The following RBPMS variants were observed in gnomAD, a reference collection of about 807,000 sequenced individuals.
RBPMS encodes the protein RNA binding protein, mRNA processing factor.
Under a neutral mutation model 26.8 loss-of-function variants are expected in RBPMS, and 7 were observed. That is an observed-to-expected ratio of 0.26 (90% confidence interval 0.15 to 0.49). The LOEUF is 0.49. RBPMS is among the 20% of genes least tolerant of loss of function. RBPMS has a pLI of 0.98. For synonymous variants in RBPMS, 96 were observed against 93.3 expected (o/e 1.03, Z -0.17); for missense variants, 186 against 250.0 (o/e 0.74, Z 1.73).
chr8:30,566,735 T>C (rs770215154), intron 8 of RBPMS, among the ~76,000 whole-genome samples: 4 of 152,212 alleles, frequency 2.6e-5, no homozygotes, highest in Non-Finnish European at 4.4e-5. Context: ...AATTATTATT[T>C]TGTTGGAAAT....
rs150997288 is a variant in RBPMS at position 30,413,482 on chromosome 8, TAGAG to T, written c.66+28328_66+28331del. Among the ~76,000 whole-genome samples, 1,052 of 152,200 alleles carry T rather than the reference TAGAG, an allele frequency of 6.9e-3. 15 individuals carry two copies. The highest frequency in any genetic ancestry group is 0.024 in the African/African-American group (986 of 41,530). ...CCCTATACTTTTCAAATTTTGTAAG[TAGAG>T]AGAATGATAGCTACTCTCAGCCTGC... On this transcript the variant is annotated intron_variant, in intron 1 of 8. Transcript: ENST00000397323.
chr8:30,424,761 C>G (rs1811168252), intron 1 of RBPMS, among the ~76,000 whole-genome samples: 1 of 152,038 alleles, frequency 6.6e-6, no homozygotes, highest in Non-Finnish European at 1.5e-5. Context: ...ACATAGTAAC[C>G]TTTAAAGCAC....
intron 5 of RBPMS, among the ~76,000 whole-genome samples, chr8:30,511,507 A>T (rs1408648570): frequency 1.4e-4 from 1 of 7,262 alleles, no homozygotes; most frequent in Non-Finnish European, 6.6e-4. Context: ...ATATATATAT[A>T]TATATATATA....
chr8:30,412,915 A>G (rs548942051), intron 1 of RBPMS, among the ~76,000 whole-genome samples: 2 of 152,302 alleles, frequency 1.3e-5, no homozygotes, highest in Admixed American at 6.5e-5. Flanking sequence ...GTATAATGAC[A>G]TCGATTTAGG....
intron 1 of RBPMS, among the ~76,000 whole-genome samples, chr8:30,436,363 C>T (rs1382924210): frequency 2.0e-5 from 3 of 152,192 alleles, no homozygotes; most frequent in Non-Finnish European, 4.4e-5. Flanking sequence ...TGAATGACTA[C>T]CATAATTAAC....
chr8:30,479,812 T>TA (rs5890523), intron 4 of RBPMS, among the ~76,000 whole-genome samples: 50 of 148,766 alleles, frequency 3.4e-4, no homozygotes, highest in East Asian at 7.9e-4. Flanking sequence ...TATGCAGCAT[T>TA]AAAAAAAAAA....
intron 1 of RBPMS, among the ~76,000 whole-genome samples, chr8:30,419,872 G>C (rs1810550916): frequency 6.6e-6 from 1 of 152,124 alleles, no homozygotes; most frequent in Non-Finnish European, 1.5e-5. Context: ...ATTCTTGACA[G>C]CAATGAAAAA....
intron 6 of RBPMS, among the ~76,000 whole-genome samples, chr8:30,550,710 A>C (rs891659561): frequency 6.6e-6 from 1 of 152,178 alleles, no homozygotes; most frequent in African/African-American, 2.4e-5. Context: ...TGGCAGTGTG[A>C]TCTTCACAGC....
At chr8:30,425,797 C>G (rs994873979) in intron 1 of RBPMS, among the ~76,000 whole-genome samples, 4 of 152,118 alleles carry the variant, frequency 2.6e-5, no homozygotes, top group Admixed American at 2.6e-4. Context: ...TTTTTACAGA[C>G]ATTAACTTCC....
At chr8:30,439,490 G>C (rs771422909) in intron 1 of RBPMS, among the ~76,000 whole-genome samples, 1 of 152,206 alleles carries the variant, frequency 6.6e-6, no homozygotes, top group Non-Finnish European at 1.5e-5. Flanking sequence ...TGACTTTGCA[G>C]TGAGGGTCTC....
intron 1 of RBPMS, chr8:30,453,521 T>G (rs1233377150): frequency 6.6e-6 from 1 of 152,200 alleles, no homozygotes; most frequent in Non-Finnish European, 1.5e-5. Flanking sequence ...AATTGTTCTC[T>G]TATTACATTA....
At chr8:30,426,583 T>TCAGAGATC (rs1811374114) in intron 1 of RBPMS, among the ~76,000 whole-genome samples, 2 of 152,156 alleles carry the variant, frequency 1.3e-5, no homozygotes, top group South Asian at 4.1e-4. Context: ...CTTAAAGGCA[T>TCAGAGATC]TGAACAGGCT....
intron 1 of RBPMS, among the ~76,000 whole-genome samples, chr8:30,429,770 C>T (rs1811731177): frequency 6.6e-6 from 1 of 152,174 alleles, no homozygotes; most frequent in Non-Finnish European, 1.5e-5. Context: ...CCACATCTTA[C>T]ATATGGTATA....
chr8:30,539,022 T>C (rs945828587), intron 5 of RBPMS, among the ~76,000 whole-genome samples: 1 of 152,198 alleles, frequency 6.6e-6, no homozygotes, highest in African/African-American at 2.4e-5. Flanking sequence ...TGGGCCTGTA[T>C]GGCTGATTTT....
intron 5 of RBPMS, among the ~76,000 whole-genome samples, chr8:30,522,777 A>T (rs1295014467): frequency 6.6e-6 from 1 of 152,206 alleles, no homozygotes; most frequent in African/African-American, 2.4e-5. Flanking sequence ...TAAAAAATAA[A>T]TACTTATGTT....
intron 4 of RBPMS, among the ~76,000 whole-genome samples, chr8:30,491,479 T>TG (rs1449472423): frequency 6.6e-6 from 1 of 152,078 alleles, no homozygotes; most frequent in Admixed American, 6.5e-5. Flanking sequence ...TGGATCCTGT[T>TG]GGGGGCTGGG....
chr8:30,455,023 A>G (rs925148756), intron 1 of RBPMS, among the ~76,000 whole-genome samples: 6 of 152,190 alleles, frequency 3.9e-5, no homozygotes, highest in African/African-American at 1.4e-4. Flanking sequence ...GGGTTTCGCC[A>G]TGTTGGCCAG....
chr8:30,455,183 G>GT (rs1815058760), intron 1 of RBPMS, among the ~76,000 whole-genome samples: 1 of 152,200 alleles, frequency 6.6e-6, no homozygotes, highest in South Asian at 2.1e-4. Flanking sequence ...TGATGGATAA[G>GT]TGAGAAGGGA....
intron 1 of RBPMS, among the ~76,000 whole-genome samples, chr8:30,410,585 G>A (rs1303633844): frequency 6.6e-6 from 1 of 151,470 alleles, no homozygotes; most frequent in Non-Finnish European, 1.5e-5. Flanking sequence ...TGTGTGTATA[G>A]ATATGTATAT....
Sources: gnomAD v4.1 joint callset for allele counts (sites outside exome capture counted in the v4.1 genomes callset) on GRCh38, gnomAD v4.1.1 for gene constraint, MANE v1.5 for transcripts, NCBI Gene and HGNC (gene_info 2026-07-23, HGNC 2026-07-21) for gene names.